Variants in SEMA4D observed in about 807,000 individuals in gnomAD.
The protein encoded by SEMA4D is semaphorin 4D, also known as semaphorin-4D.
In SEMA4D, 22 loss-of-function variants were observed where a neutral mutation model predicts 74.8. That is an observed-to-expected ratio of 0.29 (90% CI 0.21 to 0.42). SEMA4D has a LOEUF of 0.42. SEMA4D is among the 10% of genes least tolerant of loss of function. The pLI, the probability that SEMA4D is intolerant of heterozygous loss-of-function variation, is 1.00. For missense variants in SEMA4D, 937 were observed against 1,118.4 expected (o/e 0.84, Z 2.31); for synonymous variants, 445 against 463.7 (o/e 0.96, Z 0.52).
chr9:89,402,514 C>G (rs1842430102), intron 4 of SEMA4D, among the ~76,000 whole-genome samples: 1 of 151,944 alleles, frequency 6.6e-6, no homozygotes, highest in Admixed American at 6.6e-5. Flanking sequence ...TAAGAGATAC[C>G]CAGATGAAGA....
At chr9:89,419,847 G>C (rs1480446354) in intron 2 of SEMA4D, among the ~76,000 whole-genome samples, 1 of 152,152 alleles carries the variant, frequency 6.6e-6, no homozygotes, top group Non-Finnish European at 1.5e-5. Flanking sequence ...AACTCAGGAG[G>C]TGGAGGTTGG....
chr9:89,453,704 G>C (rs1406173212), intron 2 of SEMA4D, among the ~76,000 whole-genome samples: 1 of 152,220 alleles, frequency 6.6e-6, no homozygotes, highest in African/African-American at 2.4e-5. Flanking sequence ...CAGCATCACA[G>C]GGCCTGGCCC....
At chr9:89,374,167 G>C (rs1029639464), downstream of SEMA4D, among the ~76,000 whole-genome samples, 1 of 152,226 alleles carries the variant, frequency 6.6e-6, no homozygotes. Flanking sequence ...TGAAAAGGGG[G>C]TGGCGGAGGG....
intron 1 of SEMA4D, among the ~76,000 whole-genome samples, chr9:89,496,574 C>A (rs1826031132): frequency 6.6e-6 from 1 of 152,204 alleles, no homozygotes; most frequent in Non-Finnish European, 1.5e-5. Context: ...CCCACCCCAG[C>A]CTCCCTGGTG....
chr9:89,374,038 T>C (rs1835461360), downstream of SEMA4D, among the ~76,000 whole-genome samples: 1 of 152,222 alleles, frequency 6.6e-6, no homozygotes, highest in East Asian at 1.9e-4. Flanking sequence ...CACTCTCTCC[T>C]AAGCTGGTGC....
At chr9:89,445,194 G>A (rs1021204686) in intron 2 of SEMA4D, among the ~76,000 whole-genome samples, 2 of 152,210 alleles carry the variant, frequency 1.3e-5, no homozygotes, top group Non-Finnish European at 2.9e-5. Flanking sequence ...GATCTTTTCA[G>A]AAACGGATCC....
chr9:89,360,986 T>G (rs555954191), exon 19 of SEMA4D: 2 of 152,176 alleles, frequency 1.3e-5, no homozygotes, highest in Non-Finnish European at 2.9e-5. Context: ...AATATAAGCC[T>G]AAAGCCCATA....
intron 1 of SEMA4D, among the ~76,000 whole-genome samples, chr9:89,467,243 C>T (rs1476182455): frequency 6.6e-6 from 1 of 152,196 alleles, no homozygotes; most frequent in African/African-American, 2.4e-5. Flanking sequence ...CTCACATCCC[C>T]AGCTTCCCGG....
intron 1 of SEMA4D, among the ~76,000 whole-genome samples, chr9:89,477,897 CA>C (rs1862164550): frequency 1.3e-5 from 2 of 152,008 alleles, no homozygotes; most frequent in African/African-American, 4.8e-5. Flanking sequence ...GCCCCACCAA[CA>C]GAGAGAAAAA....
At chr9:89,389,085 G>A in intron 9 of SEMA4D, 38 bp from the exon 10 acceptor site, 3 of 1,610,174 alleles carry the variant, frequency 1.9e-6, no homozygotes, top group Non-Finnish European at 2.5e-6. Flanking sequence ...GGCCGAGAGT[G>A]GATCCCCTGT....
At chr9:89,406,219 A>G (rs1283591555) in intron 2 of SEMA4D, among the ~76,000 whole-genome samples, 1 of 152,116 alleles carries the variant, frequency 6.6e-6, no homozygotes, top group Non-Finnish European at 1.5e-5. Flanking sequence ...ATGTACACAC[A>G]CACATGCACG....
intron 5 of SEMA4D, among the ~76,000 whole-genome samples, chr9:89,398,756 CA>C (rs1170105552): frequency 2.0e-5 from 3 of 152,184 alleles, no homozygotes; most frequent in Non-Finnish European, 4.4e-5. Flanking sequence ...TGCTGGCACC[CA>C]AAACAGCTGG....
chr9:89,496,916 G>C (rs768390769), intron 1 of SEMA4D, among the ~76,000 whole-genome samples: 3 of 152,240 alleles, frequency 2.0e-5, no homozygotes, highest in Non-Finnish European at 4.4e-5. Context: ...TTGGCCCCAG[G>C]CCCCACGTCC....
chr9:89,442,904 C>T lies in SEMA4D; in HGVS notation c.-244+12984G>A, dbSNP rs773843457. Among the ~76,000 whole-genome samples, 74 of 152,338 alleles carry T rather than the reference C, an allele frequency of 4.9e-4. 1 individual carries two copies. Among genetic ancestry groups the T allele is most frequent in the Middle Eastern group, 3.4e-3 (1 of 294 alleles). On this transcript the variant is annotated intron_variant, in intron 2 of 15. Transcript: ENST00000422704. ...CGGTGTCGTCTGCAAACCTGGGCCC[C>T]GGGCCTGGGCTGGGACAAGCCTGTC...
chr9:89,489,367 GTAAGA>G (rs1825451011), intron 1 of SEMA4D, among the ~76,000 whole-genome samples: 1 of 152,132 alleles, frequency 6.6e-6, no homozygotes, highest in South Asian at 2.1e-4. Context: ...TAAAATACTC[GTAAGA>G]TAAAATTTAC....
intron 2 of SEMA4D, among the ~76,000 whole-genome samples, chr9:89,406,271 C>T (rs920850898): frequency 1.3e-5 from 2 of 152,184 alleles, no homozygotes; most frequent in African/African-American, 4.8e-5. Flanking sequence ...GGCCTCACCA[C>T]GCAGGAGTGT....
In SEMA4D at chr9:89,441,741, C is replaced by T. The variant is rs79332386; in HGVS notation, c.-244+14147G>A. On this transcript the variant is annotated intron_variant, in intron 2 of 15. Transcript: ENST00000422704. ...TTGTCATTTCAGCCCCAATACCTGT[C>T]TAACCACTCTGCGTCCAGCTTTCCT... 2.0e-3 allele frequency among the ~76,000 whole-genome samples: 311 copies of T among 152,326 alleles called. 1 individual carries two copies. The highest frequency in any genetic ancestry group is 6.8e-3 in the African/African-American group (282 of 41,576).
chr9:89,450,140 C>T, intron 2 of SEMA4D: 1 of 1,271,134 alleles, frequency 7.9e-7, no homozygotes. Flanking sequence ...AGCAGCATGT[C>T]ATCGATGGAG....
chr9:89,423,990 C>T (rs1847580270), intron 2 of SEMA4D, among the ~76,000 whole-genome samples: 1 of 150,852 alleles, frequency 6.6e-6, no homozygotes, highest in South Asian at 2.1e-4. Context: ...TCAGCTACTT[C>T]CTCAGCACCT....
Sources: gnomAD v4.1 joint callset for allele counts (sites outside exome capture counted in the v4.1 genomes callset) on GRCh38, gnomAD v4.1.1 for gene constraint, MANE v1.5 for transcripts, NCBI Gene and HGNC (gene_info 2026-07-23, HGNC 2026-07-21) for gene names.